The following NFIB variants were observed in gnomAD, a reference collection of about 807,000 sequenced individuals.
The protein encoded by NFIB is nuclear factor 1 B-type.
In NFIB, 11 loss-of-function variants were observed where a neutral mutation model predicts 61.5. The ratio of observed to expected loss-of-function variants is 0.18; its 90% confidence interval spans 0.11 to 0.30. NFIB has a LOEUF of 0.30. Among genes scored for constraint, NFIB ranks in the 10% least tolerant of loss-of-function variants. The pLI is 1.00. For synonymous variants in NFIB, 260 were observed against 216.5 expected (o/e 1.20, Z -1.76); for missense variants, 471 against 608.9 (o/e 0.77, Z 2.38).
intron 1 of NFIB, among the ~76,000 whole-genome samples, chr9:14,342,606 G>T (rs2060965378): frequency 6.6e-6 from 1 of 152,178 alleles, no homozygotes. Flanking sequence ...TATATGCAAT[G>T]CCACTTAGTT....
chr9:14,460,418 A>C, the NFIB span, among the ~76,000 whole-genome samples: 2 of 152,124 alleles, frequency 1.3e-5, no homozygotes, highest in Non-Finnish European at 2.9e-5. Flanking sequence ...ACCTAATGTA[A>C]ATGACGAGTT....
intron 2 of NFIB, among the ~76,000 whole-genome samples, chr9:14,281,758 G>A (rs1200178799): frequency 6.6e-6 from 1 of 152,100 alleles, no homozygotes; most frequent in Non-Finnish European, 1.5e-5. Flanking sequence ...GGCATGTCAG[G>A]TCACTTATGA....
At chr9:14,315,001 C>T (rs976062354), upstream of NFIB, among the ~76,000 whole-genome samples, 17 of 151,950 alleles carry the variant, frequency 1.1e-4, no homozygotes, top group Non-Finnish European at 2.5e-4. Context: ...ACCCAGGCCG[C>T]CCCCAGGCCG....
intron 2 of NFIB, among the ~76,000 whole-genome samples, chr9:14,231,178 A>G (rs1040763282): frequency 7.1e-5 from 10 of 140,808 alleles, no homozygotes; most frequent in African/African-American, 2.4e-4. Context: ...TCGTTGAGAC[A>G]TTTGTTTGTA....
the NFIB span, among the ~76,000 whole-genome samples, chr9:14,451,849 G>A: frequency 6.6e-6 from 1 of 151,826 alleles, no homozygotes; most frequent in Non-Finnish European, 1.5e-5. Context: ...TTTTCATGAA[G>A]CCCCATTTAT....
chr9:14,238,434 C>T (rs1342793413), intron 2 of NFIB, among the ~76,000 whole-genome samples: 1 of 152,126 alleles, frequency 6.6e-6, no homozygotes, highest in Non-Finnish European at 1.5e-5. Context: ...GCATTAAAAG[C>T]AGTTGATGCT....
rs568595449 is a variant in NFIB at position 14,328,401 on chromosome 9, C to T, written c.109-20881G>A. 2.6e-5 allele frequency among the ~76,000 whole-genome samples: 4 copies of T among 152,294 alleles called. 1 individual carries two copies. The South Asian group carries it at 8.3e-4, about 32-fold the overall frequency. On this transcript the variant is annotated intron_variant, in intron 1 of 8. Transcript: ENST00000380934. ...GCTCAAGTGGTCTTCCTGCCTCAGC[C>T]TCCCAAAGTGCTAGGATTATTATAG... is the stretch of plus-strand genomic sequence containing the variant.
chr9:14,398,490 A>G lies in NFIB; in HGVS notation c.108+34T>C, dbSNP rs60098179. 4,233 of 1,487,966 alleles carry G rather than the reference A, an allele frequency of 2.8e-3. 101 individuals carry two copies. The African/African-American group carries it at 0.048, about 17-fold the overall frequency. 92.2% of individuals were successfully genotyped at this position (1,487,966 alleles called of 1,614,324 possible). A position where few individuals can be genotyped will look rare whatever the true frequency, so the allele number is the denominator to read the frequency against. On this transcript the variant is annotated intron_variant, in intron 1 of 8. Transcript: ENST00000380934. ...TAAGAAGTTGGGACCTATTTGAAAGAAAAACTGGTTAAATTTGTGAAATTT... is the reference window on the plus strand; with the variant it reads ...TAAGAAGTTGGGACCTATTTGAAAGGAAAACTGGTTAAATTTGTGAAATTT...
the NFIB span, among the ~76,000 whole-genome samples, chr9:14,432,595 T>C: frequency 6.6e-6 from 1 of 152,170 alleles, no homozygotes; most frequent in Non-Finnish European, 1.5e-5. Flanking sequence ...CTTGAAACAG[T>C]ATTAGTACCA....
chr9:14,190,024 AT>A (rs2047775927), intron 2 of NFIB, among the ~76,000 whole-genome samples: 1 of 152,024 alleles, frequency 6.6e-6, no homozygotes, highest in Admixed American at 6.6e-5. Context: ...TTCATTGCTC[AT>A]TTTTTCATAG....
intron 1 of NFIB, among the ~76,000 whole-genome samples, chr9:14,366,610 C>G (rs867029275): frequency 3.3e-5 from 5 of 152,056 alleles, no homozygotes; most frequent in Admixed American, 6.6e-5. Flanking sequence ...TGCAGCCTCC[C>G]GAGTAGTTGG....
At chr9:14,427,052 T>C in the NFIB span, among the ~76,000 whole-genome samples, 76 of 152,248 alleles carry the variant, frequency 5.0e-4, no homozygotes, top group Admixed American at 9.2e-4. Context: ...CAAAAAGAAG[T>C]CTTCTCTAGA....
At chr9:14,229,088 C>T (rs2052800767) in intron 2 of NFIB, among the ~76,000 whole-genome samples, 1 of 151,346 alleles carries the variant, frequency 6.6e-6, no homozygotes, top group South Asian at 2.1e-4. Context: ...AAAGAAGTGC[C>T]CTAAATATCA....
the NFIB span, among the ~76,000 whole-genome samples, chr9:14,460,192 A>G: frequency 1.3e-5 from 2 of 152,226 alleles, no homozygotes; most frequent in Admixed American, 6.5e-5. Flanking sequence ...GCAGCCATAA[A>G]AAATGATGAG....
At chr9:14,352,815 G>A (rs143772596) in intron 1 of NFIB, among the ~76,000 whole-genome samples, 1 of 152,342 alleles carries the variant, frequency 6.6e-6, no homozygotes, top group East Asian at 1.9e-4. Flanking sequence ...GCATAGGAAG[G>A]ACCCTGTAGC....
At chr9:14,448,363 A>C in the NFIB span, among the ~76,000 whole-genome samples, 1 of 152,218 alleles carries the variant, frequency 6.6e-6, no homozygotes, top group African/African-American at 2.4e-5. Context: ...ATTGGCTGAA[A>C]TAAGGAACTA....
chr9:14,318,833 A>G (rs2060599783), upstream of NFIB, among the ~76,000 whole-genome samples: 1 of 152,180 alleles, frequency 6.6e-6, no homozygotes, highest in Non-Finnish European at 1.5e-5. Flanking sequence ...AAGTGCCTGT[A>G]CTTGATGAGA....
chr9:14,303,801 G>A (rs755535125), intron 2 of NFIB, among the ~76,000 whole-genome samples: 19 of 152,122 alleles, frequency 1.2e-4, no homozygotes, highest in Non-Finnish European at 1.9e-4. Flanking sequence ...ACAAAATGGC[G>A]GTTCTTGTAG....
At chr9:14,351,917 T>C (rs1285290100) in intron 1 of NFIB, among the ~76,000 whole-genome samples, 1 of 152,214 alleles carries the variant, frequency 6.6e-6, no homozygotes, top group Non-Finnish European at 1.5e-5. Context: ...CTTGACTTAC[T>C]AAAAGGCATA....
Sources: gnomAD v4.1 joint callset for allele counts (sites outside exome capture counted in the v4.1 genomes callset) on GRCh38, gnomAD v4.1.1 for gene constraint, MANE v1.5 for transcripts, NCBI Gene and HGNC (gene_info 2026-07-23, HGNC 2026-07-21) for gene names.